The following SEMA6D variants were observed in gnomAD, a reference collection of about 807,000 sequenced individuals.
The protein encoded by SEMA6D is semaphorin-6D.
In SEMA6D, 35 loss-of-function variants were observed where a neutral mutation model predicts 106.6. The ratio of observed to expected loss-of-function variants is 0.33; its 90% confidence interval spans 0.25 to 0.44. SEMA6D has a LOEUF of 0.44. Ranked by LOEUF, SEMA6D falls within the 20% of genes least tolerant of loss-of-function variation. The pLI is 1.00. For synonymous variants in SEMA6D, 499 were observed against 487.7 expected, an observed-to-expected ratio of 1.02 and a Z score of -0.31; for missense variants, 1,185 against 1,345.9, an observed-to-expected ratio of 0.88 and a Z score of 1.87.
intron 3 of SEMA6D, among the ~76,000 whole-genome samples, chr15:47,519,035 G>A (rs1048192513): frequency 6.6e-6 from 1 of 151,938 alleles, no homozygotes; most frequent in Non-Finnish European, 1.5e-5. Flanking sequence ...AACCAGCCTG[G>A]CCAACATGGT....
chr15:47,187,513 G>A (rs1375619341), intron 1 of SEMA6D, among the ~76,000 whole-genome samples: 1 of 152,054 alleles, frequency 6.6e-6, no homozygotes, highest in African/African-American at 2.4e-5. Flanking sequence ...TTGATGTCAT[G>A]GTGTGCTTTG....
intron 4 of SEMA6D, among the ~76,000 whole-genome samples, chr15:47,686,670 A>T (rs1401505342): frequency 6.6e-6 from 1 of 152,104 alleles, no homozygotes; most frequent in Non-Finnish European, 1.5e-5. Context: ...AATCATGCAT[A>T]TTTCTTAGCA....
chr15:47,665,449 A>G (rs906362050), intron 4 of SEMA6D, among the ~76,000 whole-genome samples: 1 of 152,134 alleles, frequency 6.6e-6, no homozygotes, highest in African/African-American at 2.4e-5. Context: ...TAATCAAATA[A>G]TAAGGTCATG....
chr15:47,652,663 C>T (rs1340181923), intron 4 of SEMA6D, among the ~76,000 whole-genome samples: 1 of 152,190 alleles, frequency 6.6e-6, no homozygotes, highest in Non-Finnish European at 1.5e-5. Context: ...TGCCATTGCC[C>T]AGTGAGACGT....
intron 3 of SEMA6D, among the ~76,000 whole-genome samples, chr15:47,574,745 C>G (rs181734154): frequency 9.2e-5 from 14 of 152,266 alleles, no homozygotes; most frequent in Admixed American, 7.8e-4. Flanking sequence ...TTACATGTGG[C>G]ACATTTAAAT....
chr15:47,365,336 T>C (rs548197061), intron 1 of SEMA6D, among the ~76,000 whole-genome samples: 2 of 152,284 alleles, frequency 1.3e-5, no homozygotes, highest in South Asian at 2.1e-4. Flanking sequence ...GAAGTGTGAA[T>C]AATCTTCATG....
At chr15:47,306,574 G>C (rs943231737) in intron 1 of SEMA6D, among the ~76,000 whole-genome samples, 6 of 152,096 alleles carry the variant, frequency 3.9e-5, no homozygotes, top group African/African-American at 1.2e-4. Context: ...GTACAAACAG[G>C]TGTGGTGGCA....
intron 17 of SEMA6D, 30 bp downstream of exon 17, chr15:47,767,123 C>T: frequency 7.0e-6 from 10 of 1,430,506 alleles, no homozygotes; most frequent in Non-Finnish European, 7.8e-6. Flanking sequence ...TTTGAATTAA[C>T]AACCTTTTCT....
chr15:47,569,602 A>G (rs940544856), intron 3 of SEMA6D, among the ~76,000 whole-genome samples: 9 of 152,094 alleles, frequency 5.9e-5, no homozygotes, highest in African/African-American at 2.2e-4. Context: ...GGTCCCCAAC[A>G]CATTCCCATT....
chr15:47,640,475 C>T (rs1158760462), intron 4 of SEMA6D, among the ~76,000 whole-genome samples: 3 of 152,130 alleles, frequency 2.0e-5, no homozygotes, highest in Non-Finnish European at 2.9e-5. Flanking sequence ...TGAGCTTGAA[C>T]GGAGCTCAAA....
chr15:47,677,147 C>T (rs2078262472), intron 4 of SEMA6D, among the ~76,000 whole-genome samples: 1 of 152,110 alleles, frequency 6.6e-6, no homozygotes. Flanking sequence ...TGGCCAGGTT[C>T]CTAACAGGCT....
chr15:47,255,651 T>A (rs1338783354), intron 1 of SEMA6D, among the ~76,000 whole-genome samples: 1 of 152,180 alleles, frequency 6.6e-6, no homozygotes, highest in Non-Finnish European at 1.5e-5. Flanking sequence ...ATCCTCTCAG[T>A]GTGATTTTTC....
intron 1 of SEMA6D, among the ~76,000 whole-genome samples, chr15:47,306,337 T>A (rs1163354422): frequency 6.6e-6 from 1 of 152,168 alleles, no homozygotes; most frequent in East Asian, 1.9e-4. Context: ...TGCAAGGAAT[T>A]TTTTTCTTTC....
At chr15:47,699,346 T>C (rs572417443) in intron 4 of SEMA6D, among the ~76,000 whole-genome samples, 3 of 152,310 alleles carry the variant, frequency 2.0e-5, no homozygotes, top group African/African-American at 7.2e-5. Context: ...TACAATCCTA[T>C]GAAGATTGAT....
chr15:47,228,467 G>C (rs1453735663), intron 1 of SEMA6D, among the ~76,000 whole-genome samples: 1 of 31,730 alleles, frequency 3.2e-5, no homozygotes. Flanking sequence ...ATAAGCCTTG[G>C]TAAATGTTTG....
At chr15:47,765,271 C>T in intron 13 of SEMA6D, 1 of 1,329,426 alleles carries the variant, frequency 7.5e-7, no homozygotes, top group Non-Finnish European at 9.6e-7. Flanking sequence ...AAAAATAATG[C>T]AGCCCTTGTT....
intron 1 of SEMA6D, among the ~76,000 whole-genome samples, chr15:47,296,719 T>C (rs1009278561): frequency 6.6e-6 from 1 of 152,174 alleles, no homozygotes; most frequent in Non-Finnish European, 1.5e-5. Flanking sequence ...ACTCTTTCCT[T>C]TAGTGGATGA....
intron 1 of SEMA6D, among the ~76,000 whole-genome samples, chr15:47,337,157 A>G (rs949611085): frequency 6.6e-6 from 1 of 152,314 alleles, no homozygotes; most frequent in Non-Finnish European, 1.5e-5. Context: ...AGTGACTGGA[A>G]TCAGCAAGCA....
intron 1 of SEMA6D, among the ~76,000 whole-genome samples, chr15:47,245,485 T>C (rs950640117): frequency 2.0e-5 from 3 of 152,206 alleles, no homozygotes; most frequent in Non-Finnish European, 4.4e-5. Flanking sequence ...AAATAGGTGT[T>C]GTCTGAGAAG....
Sources: allele counts gnomAD v4.1 joint callset (sites outside exome capture counted in the v4.1 genomes callset), GRCh38; gene constraint gnomAD v4.1.1; transcripts MANE v1.5; gene names NCBI Gene and HGNC (gene_info 2026-07-23, HGNC 2026-07-21).